The following CD82 variants were observed in gnomAD, a reference collection of about 807,000 sequenced individuals.
CD82 encodes the protein CD82 antigen.
A neutral mutation model predicts 37.4 loss-of-function variants in CD82; 36 were observed. The observed-to-expected ratio is 0.96, with a 90% CI of 0.74 to 1.27. The LOEUF is 1.27. CD82 is among the 50% of genes most tolerant of loss of function. The pLI, the probability that CD82 is intolerant of heterozygous loss-of-function variation, is 0.00. For synonymous variants in CD82, 158 were observed against 137.4 expected (o/e 1.15, Z -1.05); for missense variants, 340 against 347.0 (o/e 0.98, Z 0.16).
At chr11:44,576,324 C>A (rs1369651576) in intron 1 of CD82, among the ~76,000 whole-genome samples, 3 of 152,140 alleles carry the variant, frequency 2.0e-5, no homozygotes, top group Non-Finnish European at 4.4e-5. Flanking sequence ...GGTCAGCCAC[C>A]CCAGGTAGGG....
chr11:44,619,447 T>G lies in CD82; in HGVS notation c.*321T>G, dbSNP rs1411010258. On this transcript the variant is annotated 3_prime_UTR_variant, in exon 10 of 10. Coordinates refer to ENST00000227155, the MANE Select transcript of CD82 (RefSeq NM_002231.4). ...TGCCCTCAAGGGTGTGTATATTGTATAGGGGCAACTGTATGAAAAATTGGG... is the reference window on the plus strand; with the variant it reads ...TGCCCTCAAGGGTGTGTATATTGTAGAGGGGCAACTGTATGAAAAATTGGG... 1 of 280,158 alleles carries G rather than the reference T, an allele frequency of 3.6e-6. No individual in the cohort carries two copies. The highest frequency in any genetic ancestry group is 6.9e-6 in the Non-Finnish European group (1 of 145,972). The allele number at this position is 280,158 out of a possible 1,614,324, so 17.4% of individuals were successfully genotyped here. A position where few individuals can be genotyped will look rare whatever the true frequency, so the allele number is the denominator to read the frequency against.
At chr11:44,567,552 T>A (rs776819628) in intron 1 of CD82, among the ~76,000 whole-genome samples, 1 of 152,064 alleles carries the variant, frequency 6.6e-6, no homozygotes, top group Non-Finnish European at 1.5e-5. Context: ...CCACAGTCTC[T>A]TCAAGCACTG....
chr11:44,613,796 C>T (rs748519068), intron 6 of CD82, among the ~76,000 whole-genome samples: 1 of 151,730 alleles, frequency 6.6e-6, no homozygotes, highest in Non-Finnish European at 1.5e-5. Flanking sequence ...GCCCTCTAGC[C>T]TGGGTGACAG....
chr11:44,594,900 G>T, intron 3 of CD82, 175 bp downstream of exon 3: 1 of 614,574 alleles, frequency 1.6e-6, no homozygotes, highest in Non-Finnish European at 3.0e-6. Flanking sequence ...GAGATTCCCT[G>T]CCATTCCCAG....
At chr11:44,587,224 A>G in intron 1 of CD82, 2 of 344,010 alleles carry the variant, frequency 5.8e-6, no homozygotes, top group Non-Finnish European at 1.2e-5. Flanking sequence ...ATACGGGAAA[A>G]GAGTAATTCT....
intron 6 of CD82, among the ~76,000 whole-genome samples, chr11:44,614,516 C>T (rs1026785454): frequency 3.3e-5 from 5 of 152,354 alleles, no homozygotes; most frequent in East Asian, 1.9e-4. Context: ...CTGTAGTGAG[C>T]GTGCCAGATG....
At chr11:44,615,438 C>G in intron 7 of CD82, 65 bp downstream of exon 7, 1 of 960,600 alleles carries the variant, frequency 1.0e-6, no homozygotes, top group Non-Finnish European at 1.7e-6. Flanking sequence ...GGGCTCTGTG[C>G]ACCCACATGT....
intron 4 of CD82, among the ~76,000 whole-genome samples, chr11:44,601,912 G>A (rs1303108298): frequency 6.6e-6 from 1 of 152,170 alleles, no homozygotes. Flanking sequence ...CTGAGGCCGG[G>A]GGTGGGGAAA....
At position 44,595,273 on chromosome 11, in the gene CD82, C is replaced by T. The variant is rs550455815; in HGVS notation, c.63+548C>T. Among the ~76,000 whole-genome samples, 197 of 152,202 alleles carry T rather than the reference C, an allele frequency of 1.3e-3. 3 individuals are homozygous for T. The highest frequency in any genetic ancestry group is 4.7e-3 in the African/African-American group (194 of 41,440). On this transcript the variant is annotated intron_variant, in intron 3 of 9. Coordinates refer to ENST00000227155, the MANE Select transcript of CD82 (RefSeq NM_002231.4). ...CCCCAGACCCACCCCAGCAGATGGGCCATCCGGATGTCAGCTCTGTGGACA... is the reference window on the plus strand; with the variant it reads ...CCCCAGACCCACCCCAGCAGATGGGTCATCCGGATGTCAGCTCTGTGGACA...
In CD82 at chr11:44,605,107, G is replaced by C; in HGVS notation, c.186G>C (p.Val62=). ...LRMGAYVFIG[V]GAVTMLMGFL... ...TGGGGGCCTATGTCTTCATCGGCGT[G>C]GGGGCAGTCACTATGCTCATGGGCT... The change falls in exon 5 of 10, where the codon GTG becomes GTC. Residue 62 remains valine (V), a synonymous_variant. Coordinates refer to ENST00000227155, the MANE Select transcript of CD82 (RefSeq NM_002231.4). 1 of 1,614,180 alleles carries C rather than the reference G, an allele frequency of 6.2e-7. No homozygotes were observed. Among genetic ancestry groups the C allele is most frequent in the Non-Finnish European group, 8.5e-7 (1 of 1,180,032 alleles).
chr11:44,608,820 C>G (rs1355025282), intron 6 of CD82, among the ~76,000 whole-genome samples: 2 of 152,224 alleles, frequency 1.3e-5, no homozygotes, highest in African/African-American at 2.4e-5. Context: ...TGTGATCTGT[C>G]CCTCCAGGCC....
At chr11:44,595,908 C>CAAAAA (rs71449886) in intron 3 of CD82, among the ~76,000 whole-genome samples, 3,563 of 69,420 alleles carry the variant, frequency 0.051, 142 homozygotes, top group Non-Finnish European at 0.06. Context: ...TGTTTCTCTA[C>CAAAAA]AAAAAAAAAA....
intron 1 of CD82, 146 bp from the exon 2 acceptor site, chr11:44,587,329 G>C (rs770964775): frequency 1.0e-4 from 42 of 421,150 alleles, no homozygotes; most frequent in South Asian, 1.7e-4. Flanking sequence ...ATGAGCCTGT[G>C]GGGGGAAGAG....
chr11:44,618,933 G>A (rs1022163598), intron 9 of CD82, 116 bp from the exon 10 acceptor site: 16 of 976,290 alleles, frequency 1.6e-5, no homozygotes, highest in South Asian at 2.7e-5. Context: ...TCACAGGGTG[G>A]TTGTGAGGCT....
chr11:44,612,623 AT>A (rs34301171), intron 6 of CD82, among the ~76,000 whole-genome samples: 897 of 62,960 alleles, frequency 0.014, 1 homozygote, highest in Middle Eastern at 0.019. Context: ...CCCAGCATTA[AT>A]TTTTTTTTTT....
rs546703729 is a variant in CD82, at chr11:44,589,845, T to C, written c.-21+2289T>C. 9.8e-4 allele frequency among the ~76,000 whole-genome samples: 149 copies of C among 152,268 alleles called. 1 individual carries two copies. The highest frequency in any genetic ancestry group is 3.4e-3 in the African/African-American group (142 of 41,544). On this transcript the variant is annotated intron_variant, in intron 2 of 9. Coordinates refer to ENST00000227155, the MANE Select transcript of CD82 (RefSeq NM_002231.4). Reference sequence around the variant, plus strand: ...GACCCTTGCTGCCTCTTCGTTTTGTTTTTTTTGAGACGGGGTCTCGCTCTG... The same window carrying C: ...GACCCTTGCTGCCTCTTCGTTTTGTCTTTTTTGAGACGGGGTCTCGCTCTG...
intron 1 of CD82, among the ~76,000 whole-genome samples, chr11:44,581,946 A>AC (rs1157405688): frequency 1.3e-5 from 2 of 151,968 alleles, no homozygotes; most frequent in Non-Finnish European, 2.9e-5. Flanking sequence ...GCCTGGCCCC[A>AC]CCCCCGGATG....
At chr11:44,613,415 T>C (rs114602310) in intron 6 of CD82, among the ~76,000 whole-genome samples, 1,585 of 152,316 alleles carry the variant, frequency 0.01, 38 homozygotes, top group African/African-American at 0.036. Context: ...ACCCCTTCTC[T>C]GCCTGCTTTG....
At chr11:44,598,943 G>A (rs775488758) in intron 3 of CD82, among the ~76,000 whole-genome samples, 9 of 152,224 alleles carry the variant, frequency 5.9e-5, no homozygotes, top group Non-Finnish European at 8.8e-5. Context: ...CAGCCTTGTG[G>A]GTTGACACAG....
Sources: allele counts gnomAD v4.1 joint callset (sites outside exome capture counted in the v4.1 genomes callset), GRCh38; gene constraint gnomAD v4.1.1; transcripts MANE v1.5; gene names NCBI Gene and HGNC (gene_info 2026-07-23, HGNC 2026-07-21).